ASIC2: variants seen among roughly 807,000 people sequenced by gnomAD.
The protein encoded by ASIC2 is acid-sensing ion channel 2.
ASIC2 carries 25 observed loss-of-function variants against 57.3 expected under a neutral mutation model. The observed-to-expected ratio is 0.44, with a 90% CI of 0.32 to 0.61. ASIC2 has a LOEUF of 0.61. ASIC2 is among the 20% of genes least tolerant of loss of function. The pLI is 0.06. For missense variants in ASIC2, 641 were observed against 738.1 expected, an observed-to-expected ratio of 0.87 and a Z score of 1.52; for synonymous variants, 319 against 307.5, an observed-to-expected ratio of 1.04 and a Z score of -0.39.
intron 1 of ASIC2, among the ~76,000 whole-genome samples, chr17:33,222,448 G>T (rs1907721127): frequency 6.6e-6 from 1 of 152,140 alleles, no homozygotes; most frequent in African/African-American, 2.4e-5. Context: ...AATGAGCATG[G>T]GTTTATTTAG....
intron 1 of ASIC2, chr17:34,039,347 C>T: frequency 6.2e-7 from 1 of 1,613,930 alleles, no homozygotes; most frequent in South Asian, 1.1e-5. Context: ...TGAGCTGAAA[C>T]AAAAGTGAAG....
intron 1 of ASIC2, among the ~76,000 whole-genome samples, chr17:34,125,009 T>C (rs1911736041): frequency 6.7e-6 from 1 of 150,092 alleles, no homozygotes; most frequent in African/African-American, 2.5e-5. Context: ...CTTCTATGTA[T>C]GTCATCTCTG....
chr17:33,985,498 A>C (rs1905786188), intron 1 of ASIC2, among the ~76,000 whole-genome samples: 2 of 152,338 alleles, frequency 1.3e-5, no homozygotes, highest in Middle Eastern at 3.4e-3. Flanking sequence ...GAGGTTTTAG[A>C]ATACTGGCTA....
At chr17:33,223,549 C>A (rs1330010500) in intron 1 of ASIC2, among the ~76,000 whole-genome samples, 1 of 152,204 alleles carries the variant, frequency 6.6e-6, no homozygotes, top group Non-Finnish European at 1.5e-5. Context: ...CAACAAGCAT[C>A]CAAACATTTG....
intron 1 of ASIC2, among the ~76,000 whole-genome samples, chr17:33,673,998 A>G (rs1472500755): frequency 1.3e-5 from 2 of 150,546 alleles, no homozygotes; most frequent in South Asian, 4.2e-4. Context: ...GGTTCAAGCG[A>G]TTTCCCTGCC....
At position 33,469,823 on chromosome 17, in the gene ASIC2, G is replaced by A. The variant is rs116291452; in HGVS notation, c.556-357756C>T. On this transcript the variant is annotated intron_variant, in intron 1 of 9. Coordinates refer to the ASIC2 transcript ENST00000359872. ...AATTCCCTGATATCTACTTAACCTC[G>A]GGGATAGAGAGTGAAGAATTTGGAT... Among the ~76,000 whole-genome samples the A allele has an allele frequency of 4.5e-3, 683 of 152,234 alleles. 8 individuals are homozygous for A. Among genetic ancestry groups the A allele is most frequent in the African/African-American group, 0.015 (637 of 41,516 alleles).
chr17:33,023,748 A>G, intron 6 of ASIC2, 113 bp downstream of exon 6: 2 of 1,403,412 alleles, frequency 1.4e-6, no homozygotes, highest in Non-Finnish European at 2.0e-6. Flanking sequence ...GTGTTCAACT[A>G]ATGTTTGCTA....
In ASIC2 at chr17:33,844,030, A is replaced by G. The variant is rs192988272; in HGVS notation, c.555+311948T>C. On this transcript the variant is annotated intron_variant, in intron 1 of 9. Transcript: ENST00000359872. ...TATAGAGGTGTTCAGGCATAAATTT[A>G]TCTTTTAAAAAATCAGCACAAAGAT... is the stretch of plus-strand genomic sequence containing the variant. Among the ~76,000 whole-genome samples the G allele has an allele frequency of 3.3e-5, 5 of 152,302 alleles. No individual in the cohort carries two copies. In the East Asian group the frequency reaches 9.7e-4, roughly 29 times the overall value.
At chr17:34,046,079 T>G (rs1289386149) in intron 1 of ASIC2, among the ~76,000 whole-genome samples, 1 of 152,146 alleles carries the variant, frequency 6.6e-6, no homozygotes, top group East Asian at 1.9e-4. Flanking sequence ...TTCCCACTGT[T>G]TCAGCCATCT....
chr17:33,287,612 C>T (rs1371519898), intron 1 of ASIC2, among the ~76,000 whole-genome samples: 1 of 152,210 alleles, frequency 6.6e-6, no homozygotes, highest in African/African-American at 2.4e-5. Flanking sequence ...AACTCTTGCA[C>T]AGCTGCAACA....
chr17:33,350,267 A>C (rs767524167), intron 1 of ASIC2, among the ~76,000 whole-genome samples: 1 of 152,246 alleles, frequency 6.6e-6, no homozygotes, highest in Non-Finnish European at 1.5e-5. Context: ...AAGCTCATGC[A>C]GGCTGGGACT....
chr17:33,139,973 C>G (rs115449071), intron 1 of ASIC2, among the ~76,000 whole-genome samples: 1 of 152,170 alleles, frequency 6.6e-6, no homozygotes, highest in Non-Finnish European at 1.5e-5. Flanking sequence ...TACATGGATT[C>G]GTAAAGGAGA....
At chr17:33,241,671 G>A (rs1323679050) in intron 1 of ASIC2, among the ~76,000 whole-genome samples, 2 of 152,214 alleles carry the variant, frequency 1.3e-5, no homozygotes, top group Non-Finnish European at 2.9e-5. Flanking sequence ...CTTGAAGACT[G>A]TAACAATCCT....
chr17:33,545,739 T>G (rs1235393104), intron 1 of ASIC2, among the ~76,000 whole-genome samples: 3 of 152,178 alleles, frequency 2.0e-5, no homozygotes, highest in Non-Finnish European at 4.4e-5. Flanking sequence ...GTAATCTTGC[T>G]CCTATAAAAA....
chr17:33,380,423 T>C (rs544364702), intron 1 of ASIC2, among the ~76,000 whole-genome samples: 1 of 152,222 alleles, frequency 6.6e-6, no homozygotes, highest in South Asian at 2.1e-4. Context: ...CTATTTAAAT[T>C]CTATCTTTGA....
intron 3 of ASIC2, among the ~76,000 whole-genome samples, chr17:33,030,395 C>A (rs187017570): frequency 6.6e-6 from 1 of 152,146 alleles, no homozygotes; most frequent in Non-Finnish European, 1.5e-5. Context: ...TGTTTGGCTT[C>A]TTTCTCTCAG....
rs1910367714 is a variant in ASIC2, at chr17:33,403,743, C to A, written c.556-291676G>T. ...ACCTCCATCATCATTTGACATTACC[C>A]TTTTACTTCTATTAAAGAATCTTGT... On this transcript the variant is annotated intron_variant, in intron 1 of 9. Coordinates refer to the ASIC2 transcript ENST00000359872. Among the ~76,000 whole-genome samples, 3 of 152,186 alleles carry A rather than the reference C, an allele frequency of 2.0e-5. No homozygotes were observed. The South Asian group carries it at 6.2e-4, about 31-fold the overall frequency.
chr17:34,088,307 T>TC, intron 1 of ASIC2, among the ~76,000 whole-genome samples: 1 of 152,224 alleles, frequency 6.6e-6, no homozygotes, highest in Non-Finnish European at 1.5e-5. Flanking sequence ...AGAGGTCCAC[T>TC]CCAGACCCTG....
intron 1 of ASIC2, among the ~76,000 whole-genome samples, chr17:33,926,602 A>G (rs1915826583): frequency 6.6e-6 from 1 of 152,230 alleles, no homozygotes; most frequent in Non-Finnish European, 1.5e-5. Flanking sequence ...TTGTGCCACC[A>G]TTATTCCTGA....
Sources: allele counts gnomAD v4.1 joint callset (sites outside exome capture counted in the v4.1 genomes callset), GRCh38; gene constraint gnomAD v4.1.1; transcripts MANE v1.5; gene names NCBI Gene and HGNC (gene_info 2026-07-23, HGNC 2026-07-21).